The following FOXN3 variants were observed in gnomAD, a reference collection of about 807,000 sequenced individuals.
The protein encoded by FOXN3 is forkhead box protein N3.
A neutral mutation model predicts 38.4 loss-of-function variants in FOXN3; 7 were observed. The ratio of observed to expected loss-of-function variants is 0.18; its 90% CI spans 0.10 to 0.34. FOXN3 has a LOEUF of 0.34. Among genes scored for constraint, FOXN3 ranks in the 10% least tolerant of loss-of-function variants. The pLI is 1.00. For missense variants in FOXN3, 456 were observed against 613.4 expected, an observed-to-expected ratio of 0.74 and a Z score of 2.71; for synonymous variants, 230 against 242.2, an observed-to-expected ratio of 0.95 and a Z score of 0.47.
chr14:89,460,054 A>G (rs1892809751), intron 1 of FOXN3, among the ~76,000 whole-genome samples: 1 of 152,144 alleles, frequency 6.6e-6, no homozygotes, highest in South Asian at 2.1e-4. Flanking sequence ...CCCTATCTGG[A>G]GTTCACCGTT....
intron 1 of FOXN3, among the ~76,000 whole-genome samples, chr14:89,457,619 C>T (rs1892753133): frequency 6.6e-6 from 1 of 152,178 alleles, no homozygotes; most frequent in East Asian, 1.9e-4. Flanking sequence ...TCCATCAGCC[C>T]ATCTGCAGAA....
chr14:89,368,948 C>G (rs564178026), intron 2 of FOXN3, among the ~76,000 whole-genome samples: 1 of 152,236 alleles, frequency 6.6e-6, no homozygotes, highest in South Asian at 2.1e-4. Context: ...GGGAAAAGAT[C>G]CCTGGCTGAA....
chr14:89,331,501 G>C (rs1433068561), intron 3 of FOXN3, among the ~76,000 whole-genome samples: 1 of 152,124 alleles, frequency 6.6e-6, no homozygotes, highest in Non-Finnish European at 1.5e-5. Flanking sequence ...TAAACAGGAT[G>C]GTCTATGGAT....
At chr14:89,478,215 C>T (rs1893251428) in intron 1 of FOXN3, among the ~76,000 whole-genome samples, 1 of 152,150 alleles carries the variant, frequency 6.6e-6, no homozygotes, top group South Asian at 2.1e-4. Context: ...GACGTGCCTG[C>T]CCCCACCTTG....
chr14:89,504,467 A>G (rs1054556605), intron 1 of FOXN3, among the ~76,000 whole-genome samples: 1 of 152,186 alleles, frequency 6.6e-6, no homozygotes, highest in Non-Finnish European at 1.5e-5. Flanking sequence ...CTGGATCCAT[A>G]CTGGCAATAA....
intron 4 of FOXN3, among the ~76,000 whole-genome samples, chr14:89,225,690 C>T (rs1441644396): frequency 6.6e-6 from 1 of 152,180 alleles, no homozygotes; most frequent in African/African-American, 2.4e-5. Context: ...GACCCCCTCC[C>T]TCACTGTCCT....
chr14:89,386,819 T>C (rs887724123), intron 2 of FOXN3, among the ~76,000 whole-genome samples: 2 of 152,180 alleles, frequency 1.3e-5, no homozygotes, highest in African/African-American at 2.4e-5. Flanking sequence ...TGTGTGCTCA[T>C]GGGGACTGCC....
intron 4 of FOXN3, among the ~76,000 whole-genome samples, chr14:89,270,463 C>T (rs1596144146): frequency 6.6e-6 from 1 of 152,220 alleles, no homozygotes; most frequent in African/African-American, 2.4e-5. Flanking sequence ...TCTGTCCAAA[C>T]ATTATCTTTT....
intron 4 of FOXN3, among the ~76,000 whole-genome samples, chr14:89,259,159 C>T (rs547210332): frequency 1.3e-5 from 2 of 152,378 alleles, no homozygotes; most frequent in Admixed American, 6.5e-5. Context: ...TTGACTTCTA[C>T]ATCTCTGTTG....
Position 89,509,317 on chromosome 14 carries a change from G to GTTT in FOXN3, c.-14-96830_-14-96828dup, listed in dbSNP as rs200825149. 2.6e-5 allele frequency among the ~76,000 whole-genome samples: 3 copies of GTTT among 114,282 alleles called. No individual in the cohort carries two copies. The Admixed American group carries it at 3.1e-4, about 12-fold the overall frequency. 75.0% of individuals were successfully genotyped at this position (114,282 alleles called of 152,430 possible). A position where few individuals can be genotyped will look rare whatever the true frequency, so the allele number is the denominator to read the frequency against. ...TACCACTATTTGCAAATTATATACA[G>GTTT]TTTTTTTTGTTGTTGTTTGTTTGTT... On this transcript the variant is annotated intron_variant, in intron 1 of 6. Transcript: ENST00000345097.
intron 4 of FOXN3, among the ~76,000 whole-genome samples, chr14:89,245,748 G>A (rs190750486): frequency 1.2e-3 from 179 of 152,274 alleles, no homozygotes; most frequent in Non-Finnish European, 1.9e-3. Flanking sequence ...CCAAAAAAGT[G>A]GAGCTTATTC....
intron 1 of FOXN3, among the ~76,000 whole-genome samples, chr14:89,606,149 G>A (rs1236385474): frequency 6.6e-6 from 1 of 152,062 alleles, no homozygotes; most frequent in South Asian, 2.1e-4. Flanking sequence ...TGTTAAAACC[G>A]AGATGAAGTC....
intron 4 of FOXN3, among the ~76,000 whole-genome samples, chr14:89,195,317 C>T (rs768686080): frequency 6.6e-6 from 1 of 152,228 alleles, no homozygotes; most frequent in South Asian, 2.1e-4. Context: ...TACTCCCACT[C>T]TCTACCTTAG....
chr14:89,447,921 G>C (rs1479523624), intron 1 of FOXN3, among the ~76,000 whole-genome samples: 1 of 134,870 alleles, frequency 7.4e-6, no homozygotes, highest in African/African-American at 2.8e-5. Context: ...AGGTTCAATC[G>C]ATTCTCCTGC....
chr14:89,293,764 G>A (rs976716880), intron 3 of FOXN3, among the ~76,000 whole-genome samples: 2 of 152,010 alleles, frequency 1.3e-5, no homozygotes, highest in African/African-American at 4.8e-5. Flanking sequence ...GGGGGTAGGG[G>A]GAGAGAAGCA....
At chr14:89,430,729 A>G (rs1475972628) in intron 1 of FOXN3, among the ~76,000 whole-genome samples, 1 of 152,232 alleles carries the variant, frequency 6.6e-6, no homozygotes, top group Non-Finnish European at 1.5e-5. Flanking sequence ...AGATCTCTGA[A>G]CATTATGTAT....
chr14:89,462,906 G>A (rs546000124), intron 1 of FOXN3, among the ~76,000 whole-genome samples: 8 of 150,630 alleles, frequency 5.3e-5, no homozygotes, highest in South Asian at 4.2e-4. Context: ...GGATGGTCTC[G>A]ATCTCCTGAT....
intron 3 of FOXN3, among the ~76,000 whole-genome samples, chr14:89,313,676 AG>A (rs199940748): frequency 2.1e-5 from 3 of 141,906 alleles, no homozygotes; most frequent in African/African-American, 8.3e-5. Flanking sequence ...ACATGTGAAA[AG>A]ATATTCCAAT....
Position 89,555,389 on chromosome 14 carries a change from A to G in FOXN3, c.-15+63639T>C, listed in dbSNP as rs188281039. Among the ~76,000 whole-genome samples the G allele has an allele frequency of 5.4e-4, 83 of 152,346 alleles. No homozygotes were observed. In the East Asian group the frequency reaches 0.011, roughly 21 times the overall value. Reference sequence around the variant, plus strand: ...GGAGGCTCTGCTTCTCACCTCAGCCATTCCCTCAACAGTAGTCTTCTCCAT... The same window carrying G: ...GGAGGCTCTGCTTCTCACCTCAGCCGTTCCCTCAACAGTAGTCTTCTCCAT... On this transcript the variant is annotated intron_variant, in intron 1 of 6. Coordinates refer to the FOXN3 transcript ENST00000345097.
Sources: allele counts gnomAD v4.1 joint callset (sites outside exome capture counted in the v4.1 genomes callset), GRCh38; gene constraint gnomAD v4.1.1; transcripts MANE v1.5; gene names NCBI Gene and HGNC (gene_info 2026-07-23, HGNC 2026-07-21).